Variants in RALGAPA2 observed in about 807,000 individuals in gnomAD.
The protein encoded by RALGAPA2 is Ral GTPase activating protein catalytic subunit alpha 2.
RALGAPA2 carries 139 observed loss-of-function variants against 230.4 expected under a neutral mutation model. The ratio of observed to expected loss-of-function variants is 0.60; its 90% CI spans 0.53 to 0.69. The LOEUF (loss-of-function observed/expected upper bound fraction) is 0.69, where lower values mean the gene tolerates loss of function less well. Ranked by LOEUF, RALGAPA2 falls within the 30% of genes least tolerant of loss-of-function variation. The pLI is 0.00. For synonymous variants in RALGAPA2, 847 were observed against 837.8 expected, an observed-to-expected ratio of 1.01 and a Z score of -0.19; for missense variants, 2,163 against 2,276.0, an observed-to-expected ratio of 0.95 and a Z score of 1.01.
At chr20:20,620,314 C>G in intron 11 of RALGAPA2, 149 bp downstream of exon 11, 1 of 759,514 alleles carries the variant, frequency 1.3e-6, no homozygotes, top group Non-Finnish European at 2.0e-6. Flanking sequence ...CTTGGTAGAT[C>G]CTCACAGAAC....
At chr20:20,511,838 G>T (rs1192680952) in intron 32 of RALGAPA2, among the ~76,000 whole-genome samples, 5 of 152,126 alleles carry the variant, frequency 3.3e-5, no homozygotes, top group Non-Finnish European at 5.9e-5. Flanking sequence ...ATTCACCTTT[G>T]TAGTTCATTT....
At chr20:20,505,666 G>T in intron 33 of RALGAPA2, 132 bp from the exon 34 acceptor site, 1 of 726,488 alleles carries the variant, frequency 1.4e-6, no homozygotes, top group Non-Finnish European at 2.2e-6. Flanking sequence ...GTCAGTCAGT[G>T]TTCTGAGATG....
At chr20:20,679,681 C>T (rs1374352742) in intron 2 of RALGAPA2, among the ~76,000 whole-genome samples, 1 of 152,146 alleles carries the variant, frequency 6.6e-6, no homozygotes, top group Non-Finnish European at 1.5e-5. Flanking sequence ...TTCTCCCCTC[C>T]AGCAGCAGTG....
intron 20 of RALGAPA2, among the ~76,000 whole-genome samples, chr20:20,575,692 C>T (rs1425714339): frequency 6.6e-6 from 1 of 152,160 alleles, no homozygotes; most frequent in African/African-American, 2.4e-5. Flanking sequence ...AATTTTCTAA[C>T]CCTTTTAGAG....
rs769222431 is a variant in RALGAPA2, at chr20:20,601,815, G to A, written c.2070C>T (p.Thr690=). The change falls in exon 16 of 40, where the codon ACC becomes ACT. Residue 690 remains threonine (T), a synonymous_variant. Transcript: ENST00000202677. ...GCVLDPQKGT[T]VGRSFSLSWR... ...AGCTGAGAGAAAAGGACCTCCCCAC[G>A]GTGGTTCCTTTCTGAGGATCTAGAA... The A allele has an allele frequency of 4.1e-5, 66 of 1,610,354 alleles. No homozygotes were observed. Among genetic ancestry groups the A allele is most frequent in the Admixed American group, 1.3e-4 (8 of 59,290 alleles).
chr20:20,562,461 C>T (rs1320859891), intron 23 of RALGAPA2, among the ~76,000 whole-genome samples: 3 of 152,158 alleles, frequency 2.0e-5, no homozygotes, highest in Non-Finnish European at 2.9e-5. Flanking sequence ...CTGAGAGTTG[C>T]TATACTATTT....
At chr20:20,696,695 T>C (rs2069125276) in intron 1 of RALGAPA2, among the ~76,000 whole-genome samples, 1 of 151,918 alleles carries the variant, frequency 6.6e-6, no homozygotes, top group Non-Finnish European at 1.5e-5. Flanking sequence ...CAGATCCTGG[T>C]ACTTACTGTT....
In RALGAPA2 at chr20:20,583,045, T is replaced by C. The variant is rs1404476982; in HGVS notation, c.2707+5A>G. 3.1e-6 allele frequency: 5 copies of C among 1,612,728 alleles called. No homozygotes were observed. The highest frequency in any genetic ancestry group is 4.2e-6 in the Non-Finnish European group (5 of 1,179,286). On this transcript the variant is annotated splice_donor_5th_base_variant and intron_variant, in intron 20 of 39. Transcript: ENST00000202677. Reference sequence around the variant, plus strand: ...TTAGTGCCTCTTTTTCAAAATGCAATTTACCTGTTAAATTTGAAGCATCGG... The same window carrying C: ...TTAGTGCCTCTTTTTCAAAATGCAACTTACCTGTTAAATTTGAAGCATCGG...
intron 3 of RALGAPA2, among the ~76,000 whole-genome samples, chr20:20,663,152 A>G (rs988895023): frequency 6.6e-6 from 1 of 152,172 alleles, no homozygotes; most frequent in Non-Finnish European, 1.5e-5. Flanking sequence ...AAACCAAAAG[A>G]CTGCTTAGCA....
intron 1 of RALGAPA2, among the ~76,000 whole-genome samples, chr20:20,687,724 T>C (rs1379194968): frequency 6.6e-6 from 1 of 152,084 alleles, no homozygotes; most frequent in Non-Finnish European, 1.5e-5. Flanking sequence ...GCAACACTAT[T>C]ATAGAAATGG....
intron 10 of RALGAPA2, among the ~76,000 whole-genome samples, chr20:20,627,652 C>G (rs555985063): frequency 2.6e-5 from 4 of 152,356 alleles, no homozygotes; most frequent in Non-Finnish European, 5.9e-5. Flanking sequence ...CCCGAGAGGG[C>G]ACACTTTCTG....
chr20:20,511,709 T>G (rs1484535860), intron 32 of RALGAPA2, among the ~76,000 whole-genome samples: 1 of 152,202 alleles, frequency 6.6e-6, no homozygotes, highest in Non-Finnish European at 1.5e-5. Flanking sequence ...GTCTTCTCCA[T>G]TGCTCTGTAC....
chr20:20,620,319 C>T (rs2066281410), intron 11 of RALGAPA2, 144 bp downstream of exon 11: 2 of 825,228 alleles, frequency 2.4e-6, no homozygotes, highest in Middle Eastern at 3.5e-4. Flanking sequence ...TAGATCCTCA[C>T]AGAACTCAGC....
At chr20:20,557,493 T>A (rs1051337250) in intron 23 of RALGAPA2, among the ~76,000 whole-genome samples, 5 of 152,180 alleles carry the variant, frequency 3.3e-5, no homozygotes, top group Admixed American at 2.6e-4. Flanking sequence ...TAGAAATATA[T>A]TCTTCTTAGA....
At chr20:20,604,223 T>C (rs574872916) in intron 15 of RALGAPA2, among the ~76,000 whole-genome samples, 112 of 152,320 alleles carry the variant, frequency 7.4e-4, no homozygotes, top group Non-Finnish European at 1.2e-3. Flanking sequence ...CCTCAAATCT[T>C]TACAGAGTAA....
At chr20:20,440,852 C>A (rs1681182216) in intron 37 of RALGAPA2, among the ~76,000 whole-genome samples, 1 of 152,214 alleles carries the variant, frequency 6.6e-6, no homozygotes, top group Admixed American at 6.5e-5. Context: ...CCGGGAAAAT[C>A]AGTTATTCAT....
At chr20:20,524,576 G>C in intron 29 of RALGAPA2, 33 bp from the exon 30 acceptor site, 1 of 1,613,060 alleles carries the variant, frequency 6.2e-7, no homozygotes, top group Non-Finnish European at 8.5e-7. Flanking sequence ...AGCTTATGCT[G>C]CAGTCTCTTA....
chr20:20,657,222 A>G (rs1422547669), intron 3 of RALGAPA2, among the ~76,000 whole-genome samples: 1 of 152,218 alleles, frequency 6.6e-6, no homozygotes, highest in African/African-American at 2.4e-5. Context: ...AGAGCTGACA[A>G]ATCTCTGCCA....
intron 23 of RALGAPA2, among the ~76,000 whole-genome samples, chr20:20,558,617 G>C (rs2064160490): frequency 6.6e-6 from 1 of 152,044 alleles, no homozygotes; most frequent in Admixed American, 6.5e-5. Flanking sequence ...AGGGAGTGTG[G>C]AATTGTGTGA....
Sources: gnomAD v4.1 joint callset for allele counts (sites outside exome capture counted in the v4.1 genomes callset) on GRCh38, gnomAD v4.1.1 for gene constraint, MANE v1.5 for transcripts, NCBI Gene and HGNC (gene_info 2026-07-23, HGNC 2026-07-21) for gene names.